Variants in KDM4C observed in about 807,000 individuals in gnomAD.
KDM4C encodes the protein lysine demethylase 4C, also known as lysine-specific demethylase 4C.
Under a neutral mutation model 129.3 loss-of-function variants are expected in KDM4C, and 81 were observed. The observed-to-expected ratio is 0.63, with a 90% confidence interval of 0.52 to 0.75. The LOEUF is 0.75. Among genes scored for constraint, KDM4C ranks in the 30% least tolerant of loss-of-function variants. The pLI is 0.00. For synonymous variants in KDM4C, 573 were observed against 456.1 expected (o/e 1.26, Z -3.26); for missense variants, 1,457 against 1,304.0 (o/e 1.12, Z -1.81).
At chr9:6,746,602 A>G (rs1232042617) in intron 1 of KDM4C, among the ~76,000 whole-genome samples, 1 of 151,000 alleles carries the variant, frequency 6.6e-6, no homozygotes, top group Non-Finnish European at 1.5e-5. Flanking sequence ...AGTTTAGGCC[A>G]AGTGTGGTGC....
chr9:7,014,329 T>C (rs1271638178), intron 14 of KDM4C: 1 of 214,884 alleles, frequency 4.7e-6, no homozygotes, highest in Non-Finnish European at 9.3e-6. Context: ...AAACTTAATT[T>C]GAAAGTCTGA....
At chr9:7,010,345 A>G (rs540007076) in intron 12 of KDM4C, among the ~76,000 whole-genome samples, 2 of 152,372 alleles carry the variant, frequency 1.3e-5, no homozygotes, top group South Asian at 2.1e-4. Flanking sequence ...TTATTATGAT[A>G]ATAATGCCAC....
At chr9:7,018,031 C>T (rs1823995683) in intron 15 of KDM4C, among the ~76,000 whole-genome samples, 1 of 152,122 alleles carries the variant, frequency 6.6e-6, no homozygotes, top group Non-Finnish European at 1.5e-5. Flanking sequence ...CATCAGTGGG[C>T]CCAGAAAGCA....
At chr9:7,106,320 T>C (rs1441659805) in intron 18 of KDM4C, among the ~76,000 whole-genome samples, 1 of 152,256 alleles carries the variant, frequency 6.6e-6, no homozygotes, top group African/African-American at 2.4e-5. Context: ...GGTATGCTTC[T>C]TAGAGCAGAA....
intron 1 of KDM4C, among the ~76,000 whole-genome samples, chr9:6,775,565 C>T (rs1822852250): frequency 6.6e-6 from 1 of 151,592 alleles, no homozygotes; most frequent in African/African-American, 2.4e-5. Context: ...TCTTATTGCC[C>T]AGGCTGGAGC....
In KDM4C at chr9:6,793,034, A is replaced by G; in HGVS notation, c.46A>G (p.Ile16Val). ...AAGTCCTCTGAACCCCAGCTGTAAGATAATGACCTTCAGACCCTCCATGGA... is the reference window on the plus strand; with the variant it reads ...AAGTCCTCTGAACCCCAGCTGTAAGGTAATGACCTTCAGACCCTCCATGGA... Reference protein sequence around the residue: ...VESPLNPSCKIMTFRPSMEEF... With the variant: ...VESPLNPSCKVMTFRPSMEEF... The change falls in exon 2 of 22, where the codon ATA (isoleucine) becomes GTA (valine). Residue 16 changes from isoleucine (I) to valine (V), a missense_variant. Ile to Val is a conservative substitution (Grantham distance 29, BLOSUM62 3). Coordinates refer to ENST00000381309, the MANE Select transcript of KDM4C (RefSeq NM_015061.6). 3.1e-6 allele frequency: 5 copies of G among 1,614,202 alleles called. No homozygotes were observed. The highest frequency in any genetic ancestry group is 4.2e-6 in the Non-Finnish European group (5 of 1,180,016).
intron 8 of KDM4C, among the ~76,000 whole-genome samples, chr9:6,956,311 T>A (rs1451362529): frequency 6.6e-6 from 1 of 152,330 alleles, no homozygotes; most frequent in East Asian, 1.9e-4. Flanking sequence ...CCATTCCCCA[T>A]GATGTGCTTA....
chr9:6,875,230 G>A (rs944538497), intron 5 of KDM4C, among the ~76,000 whole-genome samples: 11 of 152,080 alleles, frequency 7.2e-5, no homozygotes, highest in African/African-American at 2.7e-4. Flanking sequence ...TGTTCTTCTG[G>A]TGCTGTATTC....
chr9:6,853,454 C>G (rs114373780), intron 5 of KDM4C, among the ~76,000 whole-genome samples: 1,618 of 152,250 alleles, frequency 0.011, 32 homozygotes, highest in African/African-American at 0.037. Context: ...GGTGGTGCCA[C>G]TGCATTCCAG....
chr9:6,817,762 C>T (rs1205240248), intron 4 of KDM4C, among the ~76,000 whole-genome samples: 2 of 123,086 alleles, frequency 1.6e-5, no homozygotes, highest in Non-Finnish European at 3.4e-5. Flanking sequence ...ACAGGAATAA[C>T]CTTTTTTTTT....
intron 3 of KDM4C, among the ~76,000 whole-genome samples, chr9:6,806,171 T>C (rs1390100977): frequency 6.6e-6 from 1 of 152,214 alleles, no homozygotes; most frequent in African/African-American, 2.4e-5. Context: ...AGGCCACCAT[T>C]GCATTAGTTA....
chr9:6,966,450 G>A (rs1338505325), intron 8 of KDM4C, among the ~76,000 whole-genome samples: 2 of 152,234 alleles, frequency 1.3e-5, no homozygotes, highest in African/African-American at 2.4e-5. Context: ...GATTACAGGC[G>A]TGAGCCACCG....
intron 17 of KDM4C, among the ~76,000 whole-genome samples, chr9:7,098,894 T>C (rs576083802): frequency 6.8e-6 from 1 of 146,708 alleles, no homozygotes; most frequent in African/African-American, 2.4e-5. Flanking sequence ...ATCTTACAGG[T>C]AGGGTTAAAA....
chr9:7,037,577 T>G (rs1245707836), intron 15 of KDM4C, among the ~76,000 whole-genome samples: 1 of 152,198 alleles, frequency 6.6e-6, no homozygotes, highest in Non-Finnish European at 1.5e-5. Flanking sequence ...CAGTGGTGAT[T>G]TTTTATGAAA....
intron 8 of KDM4C, among the ~76,000 whole-genome samples, chr9:6,958,687 ATT>A (rs377187050): frequency 2.2e-5 from 3 of 136,322 alleles, no homozygotes; most frequent in Non-Finnish European, 4.6e-5. Flanking sequence ...TCTTTATATG[ATT>A]TTTTTTTTTT....
chr9:6,951,214 A>G (rs1321726114), intron 8 of KDM4C, among the ~76,000 whole-genome samples: 1 of 149,740 alleles, frequency 6.7e-6, no homozygotes, highest in East Asian at 1.9e-4. Flanking sequence ...ATTTGAAATT[A>G]TATATTTCTA....
chr9:7,003,918 CCCCATT>C (rs907688739), intron 12 of KDM4C, among the ~76,000 whole-genome samples: 6 of 152,172 alleles, frequency 3.9e-5, no homozygotes, highest in Non-Finnish European at 8.8e-5. Flanking sequence ...CCACTACACC[CCCCATT>C]CCCTGCAGGA....
chr9:7,067,851 A>T (rs62533860), intron 17 of KDM4C, among the ~76,000 whole-genome samples: 26,890 of 151,904 alleles, frequency 0.18, 2,904 homozygotes, highest in South Asian at 0.41. Flanking sequence ...GATGGAGTGC[A>T]GTGGTGCGAT....
At chr9:6,828,095 A>G (rs1017194613) in intron 4 of KDM4C, among the ~76,000 whole-genome samples, 2 of 152,152 alleles carry the variant, frequency 1.3e-5, no homozygotes, top group African/African-American at 4.8e-5. Context: ...GAATGGTGCA[A>G]GTAGGAAGGT....
Sources: allele counts gnomAD v4.1 joint callset (sites outside exome capture counted in the v4.1 genomes callset), GRCh38; gene constraint gnomAD v4.1.1; transcripts MANE v1.5; gene names NCBI Gene and HGNC (gene_info 2026-07-23, HGNC 2026-07-21).